The following AAK1 variants were observed in gnomAD, a reference collection of about 807,000 sequenced individuals.
The protein encoded by AAK1 is AP2 associated kinase 1.
Under a neutral mutation model 116.0 loss-of-function variants are expected in AAK1, and 37 were observed. The ratio of observed to expected loss-of-function variants is 0.32; its 90% confidence interval spans 0.25 to 0.42. The LOEUF (loss-of-function observed/expected upper bound fraction) is 0.42, where lower values mean the gene tolerates loss of function less well. Ranked by LOEUF, AAK1 falls within the 10% of genes least tolerant of loss-of-function variation. AAK1 has a pLI of 1.00. For synonymous variants in AAK1, 458 were observed against 439.9 expected (o/e 1.04, Z -0.51); for missense variants, 919 against 1,170.6 (o/e 0.79, Z 3.14).
At chr2:69,538,508 C>T (rs17036755) in intron 5 of AAK1, among the ~76,000 whole-genome samples, 3,522 of 152,328 alleles carry the variant, frequency 0.023, 128 homozygotes, top group African/African-American at 0.08. Flanking sequence ...CTGGTAACTA[C>T]GTAAGCTGGA....
rs1045688970 is a variant in AAK1 at position 69,494,664 on chromosome 2, C to T, written c.2365+1321G>A. Among the ~76,000 whole-genome samples the T allele has an allele frequency of 5.9e-5, 9 of 152,270 alleles. No homozygotes were observed. In the Middle Eastern group the frequency reaches 0.014, roughly 230 times the overall value. On this transcript the variant is annotated intron_variant, in intron 17 of 21. Coordinates refer to ENST00000409085, the MANE Select transcript of AAK1 (RefSeq NM_014911.5). Reference sequence around the variant, plus strand: ...TTTCTAACCTTCTATTCAAAATGAACTTGTCCAAGTACTGCCAGGCATACC... The same window carrying T: ...TTTCTAACCTTCTATTCAAAATGAATTTGTCCAAGTACTGCCAGGCATACC...
chr2:69,549,166 C>G (rs945006737), intron 3 of AAK1, among the ~76,000 whole-genome samples: 52 of 152,170 alleles, frequency 3.4e-4, no homozygotes, highest in African/African-American at 1.2e-3. Context: ...GTCAGGAGTT[C>G]GAGACCAGCC....
intron 15 of AAK1, among the ~76,000 whole-genome samples, chr2:69,507,122 T>C (rs1332135536): frequency 6.6e-6 from 1 of 152,184 alleles, no homozygotes; most frequent in Non-Finnish European, 1.5e-5. Context: ...CCATGCCTGA[T>C]GCTGTTATCC....
intron 2 of AAK1, among the ~76,000 whole-genome samples, chr2:69,582,386 C>T (rs1298758333): frequency 6.9e-6 from 1 of 144,516 alleles, no homozygotes; most frequent in African/African-American, 2.9e-5. Context: ...TGTGTGTGCA[C>T]GTGTGTGTGT....
rs200834425 is a variant in AAK1, at chr2:69,586,177, A to AC, written c.164-29200dup. ...CCAGTGGGGCAGGTTTTGTCTAAGCACTGCATTTCTAAAATAATCATTATG... is the reference window on the plus strand; with the variant it reads ...CCAGTGGGGCAGGTTTTGTCTAAGCACCTGCATTTCTAAAATAATCATTATG... On this transcript the variant is annotated intron_variant, in intron 2 of 21. Coordinates refer to ENST00000409085, the MANE Select transcript of AAK1 (RefSeq NM_014911.5). 7.2e-3 allele frequency among the ~76,000 whole-genome samples: 1,093 copies of AC among 152,320 alleles called. 2 individuals carry two copies. The highest frequency in any genetic ancestry group is 0.013 in the Non-Finnish European group (859 of 68,018).
In AAK1 at chr2:69,505,722, G is replaced by GCA. The variant is rs1209131259; in HGVS notation, c.2165-51_2165-50dup. ...GTTCATTCTAGCAGAATCTTGCGAG[G>GCA]CACACACACATGGCAGAGGTAAGGG... On this transcript the variant is annotated intron_variant, in intron 15 of 21. Transcript: ENST00000409085. The GCA allele has an allele frequency of 4.8e-6, 7 of 1,465,264 alleles. No individual in the cohort carries two copies. The East Asian group carries it at 1.6e-4, about 34-fold the overall frequency. 90.8% of individuals were successfully genotyped at this position (1,465,264 alleles called of 1,614,324 possible). A position where few individuals can be genotyped will look rare whatever the true frequency, so the allele number is the denominator to read the frequency against.
chr2:69,480,488 G>A (rs1228500965), intron 19 of AAK1, among the ~76,000 whole-genome samples: 7 of 152,122 alleles, frequency 4.6e-5, no homozygotes, highest in Non-Finnish European at 1.0e-4. Flanking sequence ...ACTGGCATTG[G>A]CAGACTGGAA....
intron 2 of AAK1, among the ~76,000 whole-genome samples, chr2:69,571,518 C>T (rs1033814118): frequency 1.3e-5 from 2 of 152,174 alleles, no homozygotes; most frequent in Non-Finnish European, 2.9e-5. Flanking sequence ...AATTTCTGTT[C>T]CTTGCACCCA....
chr2:69,583,442 T>C (rs1345235402), intron 2 of AAK1, among the ~76,000 whole-genome samples: 1 of 152,232 alleles, frequency 6.6e-6, no homozygotes, highest in Non-Finnish European at 1.5e-5. Context: ...CCAATCACTC[T>C]GATCTCCCTA....
chr2:69,556,975 C>G lies in AAK1; in HGVS notation c.167G>C (p.Gly56Ala). The G allele has an allele frequency of 3.1e-6, 5 of 1,609,658 alleles. No individual in the cohort carries two copies. The highest frequency in any genetic ancestry group is 4.3e-6 in the Non-Finnish European group (5 of 1,176,034). The change falls in exon 3 of 22, where the codon GGA becomes GCA. Residue 56 changes from glycine to alanine, a missense_variant. Transcript: ENST00000409085. Reference sequence around the variant, plus strand: ...CCTCACCAGAAATACAATAGCAAATCCACCTGTGAGAGAAACACACACAAG... The same window carrying G: ...CCTCACCAGAAATACAATAGCAAATGCACCTGTGAGAGAAACACACACAAG... The part of the protein sequence containing the change: ...VTVDEVLAEG[G>A]FAIVFLVRTS...
chr2:69,507,662 G>T, intron 14 of AAK1, 84 bp from the exon 15 acceptor site: 2 of 1,222,204 alleles, frequency 1.6e-6, no homozygotes, highest in Non-Finnish European at 2.2e-6. Context: ...CTCTGTTTCA[G>T]AATCAAATTA....
intron 17 of AAK1, among the ~76,000 whole-genome samples, chr2:69,494,647 C>T (rs1189279038): frequency 6.6e-6 from 1 of 152,122 alleles, no homozygotes; most frequent in Non-Finnish European, 1.5e-5. Flanking sequence ...CTTTTCTAAC[C>T]TTCTATTCAA....
In AAK1 at chr2:69,461,515, A is replaced by AG; in HGVS notation, c.*14353dup. Reference sequence around the variant, plus strand: ...ATGCATCACCAAAAAAAAAAAAAAAAGTAATTTGCATGTGTTTGCATCCGT... The same window carrying AG: ...ATGCATCACCAAAAAAAAAAAAAAAAGGTAATTTGCATGTGTTTGCATCCGT... On this transcript the variant is annotated 3_prime_UTR_variant, in exon 22 of 22. Coordinates refer to ENST00000409085, the MANE Select transcript of AAK1 (RefSeq NM_014911.5). The AG allele has an allele frequency of 4.3e-6, 1 of 231,836 alleles. No homozygotes were observed. Among genetic ancestry groups the AG allele is most frequent in the Non-Finnish European group, 8.8e-6 (1 of 113,148 alleles). 14.4% of individuals were successfully genotyped at this position (231,836 alleles called of 1,614,324 possible).
intron 5 of AAK1, among the ~76,000 whole-genome samples, chr2:69,541,060 C>T (rs554153012): frequency 1.3e-5 from 2 of 151,846 alleles, no homozygotes; most frequent in African/African-American, 2.4e-5. Context: ...AATACAGAGA[C>T]AGAAAGTAGA....
In AAK1 at chr2:69,465,881, C is replaced by A; in HGVS notation, c.*9988G>T. On this transcript the variant is annotated 3_prime_UTR_variant, in exon 22 of 22. Coordinates refer to ENST00000409085, the MANE Select transcript of AAK1 (RefSeq NM_014911.5). ...ACACAGCTCTCTCACGGCCCGCGGG[C>A]AGGGGGACATCACCTGTCTGACTGA... 1 of 1,290,800 alleles carries A rather than the reference C, an allele frequency of 7.7e-7. No homozygotes were observed. The highest frequency in any genetic ancestry group is 1.0e-6 in the Non-Finnish European group (1 of 988,856). 80.0% of individuals were successfully genotyped at this position (1,290,800 alleles called of 1,614,324 possible). A position where few individuals can be genotyped will look rare whatever the true frequency, so the allele number is the denominator to read the frequency against.
intron 2 of AAK1, among the ~76,000 whole-genome samples, chr2:69,592,600 T>C (rs1468517385): frequency 6.6e-6 from 1 of 152,186 alleles, no homozygotes; most frequent in Non-Finnish European, 1.5e-5. Context: ...GATTCATTTC[T>C]TCCTCATTAA....
chr2:69,461,620 GT>G lies in AAK1; in HGVS notation c.*14248del. 2.4e-6 allele frequency: 1 copy of G among 411,232 alleles called. No individual in the cohort carries two copies. 25.5% of individuals were successfully genotyped at this position (411,232 alleles called of 1,614,324 possible). A position where few individuals can be genotyped will look rare whatever the true frequency, so the allele number is the denominator to read the frequency against. Reference sequence around the variant, plus strand: ...ATTTTTTTTTTTTTTTTGAGGCGGAGTTTTGCTCTTCTCGCCCAGGCTGGAG... The same window carrying G: ...ATTTTTTTTTTTTTTTTGAGGCGGAGTTTGCTCTTCTCGCCCAGGCTGGAG... On this transcript the variant is annotated 3_prime_UTR_variant, in exon 22 of 22. Coordinates refer to ENST00000409085, the MANE Select transcript of AAK1 (RefSeq NM_014911.5).
chr2:69,531,504 AT>A, intron 6 of AAK1: 3 of 865,884 alleles, frequency 3.5e-6, no homozygotes, highest in Non-Finnish European at 4.2e-6. Flanking sequence ...TGAGGAGAAA[AT>A]GGGTCAGGCT....
At chr2:69,627,516 A>G (rs1297100822) in intron 2 of AAK1, among the ~76,000 whole-genome samples, 2 of 152,170 alleles carry the variant, frequency 1.3e-5, no homozygotes, top group Admixed American at 6.5e-5. Flanking sequence ...AGAAGGAAGA[A>G]CATTCCAGGA....
Sources: gnomAD v4.1 joint callset for allele counts (sites outside exome capture counted in the v4.1 genomes callset) on GRCh38, gnomAD v4.1.1 for gene constraint, MANE v1.5 for transcripts, NCBI Gene and HGNC (gene_info 2026-07-23, HGNC 2026-07-21) for gene names.